SLC44A1: variants seen among roughly 807,000 people sequenced by gnomAD.
SLC44A1 encodes the protein choline transporter-like protein 1.
A neutral mutation model predicts 79.3 loss-of-function variants in SLC44A1; 26 were observed. That is an observed-to-expected ratio of 0.33 (90% CI 0.24 to 0.46). The LOEUF (loss-of-function observed/expected upper bound fraction) is 0.46, where lower values mean the gene tolerates loss of function less well. Among genes scored for constraint, SLC44A1 ranks in the 20% least tolerant of loss-of-function variants. SLC44A1 has a pLI of 1.00. For synonymous variants in SLC44A1, 263 were observed against 286.2 expected, an observed-to-expected ratio of 0.92 and a Z score of 0.82; for missense variants, 688 against 798.1, an observed-to-expected ratio of 0.86 and a Z score of 1.66.
Position 105,396,356 on chromosome 9 carries a change from T to C in SLC44A1, c.*7300T>C, listed in dbSNP as rs1828874616. 1.0e-6 allele frequency: 1 copy of C among 985,250 alleles called. No homozygotes were observed. The highest frequency in any genetic ancestry group is 4.7e-5 in the South Asian group (1 of 21,288). 61.0% of individuals were successfully genotyped at this position (985,250 alleles called of 1,614,324 possible). A position where few individuals can be genotyped will look rare whatever the true frequency, so the allele number is the denominator to read the frequency against. On this transcript the variant is annotated 3_prime_UTR_variant, in exon 16 of 16. Transcript: ENST00000374720. ...TTTAACAAAAAGGCAGGGAGAAAAG[T>C]GTGAAGGGCATCAAGCAAAATGACA... is the stretch of plus-strand genomic sequence containing the variant.
intron 15 of SLC44A1, among the ~76,000 whole-genome samples, chr9:105,420,354 G>A (rs549212020): frequency 1.7e-4 from 26 of 151,834 alleles, no homozygotes; most frequent in Admixed American, 9.2e-4. Context: ...ACAAAATGTC[G>A]GCGTTCTCTT....
intron 15 of SLC44A1, among the ~76,000 whole-genome samples, chr9:105,405,237 C>G (rs1272459840): frequency 6.6e-6 from 1 of 151,684 alleles, no homozygotes; most frequent in East Asian, 1.9e-4. Context: ...AGGAGAATCT[C>G]TTGAATCGGG....
Position 105,395,731 on chromosome 9 carries a change from G to C in SLC44A1, c.*6675G>C. On this transcript the variant is annotated 3_prime_UTR_variant, in exon 16 of 16. Coordinates refer to ENST00000374720, the MANE Select transcript of SLC44A1 (RefSeq NM_080546.5). Reference sequence around the variant, plus strand: ...GTCAGCTAGGATTATAATTTGAACTGTCGTTTCAGGAGCATGTGTTAAATC... The same window carrying C: ...GTCAGCTAGGATTATAATTTGAACTCTCGTTTCAGGAGCATGTGTTAAATC... 1.0e-6 allele frequency: 1 copy of C among 985,162 alleles called. No individual in the cohort carries two copies. 61.0% of individuals were successfully genotyped at this position (985,162 alleles called of 1,614,324 possible).
In SLC44A1 at chr9:105,390,513, C is replaced by T; in HGVS notation, c.*1457C>T. On this transcript the variant is annotated 3_prime_UTR_variant, in exon 16 of 16. Transcript: ENST00000374720. The stretch of plus-strand genomic sequence containing the variant: ...TTTGAAAGAAAGCATTGCCTCCTAC[C>T]AGAACTAGACAGTGAATTAGATCGG... 1 of 983,998 alleles carries T rather than the reference C, an allele frequency of 1.0e-6. No homozygotes were observed. Among genetic ancestry groups the T allele is most frequent in the Non-Finnish European group, 1.2e-6 (1 of 829,750 alleles). 61.0% of individuals were successfully genotyped at this position (983,998 alleles called of 1,614,324 possible). A position where few individuals can be genotyped will look rare whatever the true frequency, so the allele number is the denominator to read the frequency against.
chr9:105,388,022 G>A (rs769024823), intron 15 of SLC44A1, among the ~76,000 whole-genome samples: 2 of 152,016 alleles, frequency 1.3e-5, no homozygotes, highest in Admixed American at 6.6e-5. Context: ...TCAGTTCATT[G>A]CTTGCAGATT....
chr9:105,357,774 A>G (rs1827664759), intron 6 of SLC44A1, among the ~76,000 whole-genome samples: 1 of 152,190 alleles, frequency 6.6e-6, no homozygotes, highest in African/African-American at 2.4e-5. Context: ...AAATTCGGCC[A>G]TAGTAGGCTT....
chr9:105,315,902 C>T lies in SLC44A1; in HGVS notation c.269+6036C>T, dbSNP rs575345736. Among the ~76,000 whole-genome samples the T allele has an allele frequency of 3.9e-5, 6 of 152,134 alleles. No individual in the cohort carries two copies. The South Asian group carries it at 1.2e-3, about 31-fold the overall frequency. ...CTGTTTACTGAGTGACTATCCTTCACCTTTTTTGAAAATTATGTTTATTAT... is the reference window on the plus strand; with the variant it reads ...CTGTTTACTGAGTGACTATCCTTCATCTTTTTTGAAAATTATGTTTATTAT... On this transcript the variant is annotated intron_variant, in intron 3 of 15. Coordinates refer to ENST00000374720, the MANE Select transcript of SLC44A1 (RefSeq NM_080546.5).
intron 1 of SLC44A1, among the ~76,000 whole-genome samples, chr9:105,265,737 A>T (rs985339246): frequency 2.0e-5 from 3 of 152,254 alleles, no homozygotes; most frequent in African/African-American, 7.2e-5. Flanking sequence ...TGAGCAACGT[A>T]TAAGAAGAGT....
Position 105,430,058 on chromosome 9 carries a change from C to T in SLC44A1, c.1951-8223C>T, listed in dbSNP as rs545175089. 3.4e-4 allele frequency among the ~76,000 whole-genome samples: 52 copies of T among 152,166 alleles called. No homozygotes were observed. In the South Asian group the frequency reaches 9.1e-3, roughly 27 times the overall value. ...AGTAGCTGGGACTACAGGCATGTGC[C>T]GCCAATGCCCGGCGAATTTTTAAAT... On this transcript the variant is annotated intron_variant, in intron 15 of 15. Coordinates refer to the SLC44A1 transcript ENST00000374724.
At chr9:105,256,468 T>C (rs1323192337) in intron 1 of SLC44A1, among the ~76,000 whole-genome samples, 1 of 152,150 alleles carries the variant, frequency 6.6e-6, no homozygotes, top group Non-Finnish European at 1.5e-5. Context: ...TCAGGGCTAA[T>C]ATGAGACTCC....
At chr9:105,345,693 A>G (rs1425839653) in intron 4 of SLC44A1, among the ~76,000 whole-genome samples, 1 of 152,176 alleles carries the variant, frequency 6.6e-6, no homozygotes, top group Admixed American at 6.6e-5. Flanking sequence ...ATTGACTATT[A>G]TACAGCATTT....
At chr9:105,312,374 TA>T (rs1831203818) in intron 3 of SLC44A1, among the ~76,000 whole-genome samples, 1 of 152,252 alleles carries the variant, frequency 6.6e-6, no homozygotes, top group African/African-American at 2.4e-5. Flanking sequence ...ATTATATACT[TA>T]TTTTTTGATT....
At chr9:105,400,569 CTTCT>C (rs772357543), downstream of SLC44A1, among the ~76,000 whole-genome samples, 14 of 152,100 alleles carry the variant, frequency 9.2e-5, no homozygotes, top group African/African-American at 2.2e-4. Context: ...TAGGTATATT[CTTCT>C]TTCTGACTCC....
chr9:105,304,635 G>C (rs1019339729), intron 2 of SLC44A1, among the ~76,000 whole-genome samples: 1 of 152,106 alleles, frequency 6.6e-6, no homozygotes, highest in African/African-American at 2.4e-5. Flanking sequence ...GTTTTGAAGA[G>C]GAAGGGCTTT....
intron 4 of SLC44A1, among the ~76,000 whole-genome samples, chr9:105,344,386 G>A (rs892659640): frequency 1.3e-5 from 2 of 152,076 alleles, no homozygotes; most frequent in Non-Finnish European, 2.9e-5. Flanking sequence ...AGACATTTTT[G>A]GCTGTCACAC....
At chr9:105,374,868 G>A (rs1828228163) in intron 13 of SLC44A1, 133 bp downstream of exon 13, 3 of 650,174 alleles carry the variant, frequency 4.6e-6, no homozygotes, top group Non-Finnish European at 8.0e-6. Flanking sequence ...AGCCCTTACT[G>A]TGTGTCCAGC....
intron 1 of SLC44A1, among the ~76,000 whole-genome samples, chr9:105,276,318 T>C (rs1050495619): frequency 1.3e-5 from 2 of 152,098 alleles, no homozygotes; most frequent in African/African-American, 4.8e-5. Context: ...GACTGAAGAG[T>C]CACAATCTCA....
At position 105,389,844 on chromosome 9, in the gene SLC44A1, G is replaced by T; in HGVS notation, c.*788G>T. 1 of 1,442,592 alleles carries T rather than the reference G, an allele frequency of 6.9e-7. No homozygotes were observed. Among genetic ancestry groups the T allele is most frequent in the Non-Finnish European group, 9.1e-7 (1 of 1,098,070 alleles). The allele number at this position is 1,442,592 out of a possible 1,614,324, so 89.4% of individuals were successfully genotyped here. ...CTCCACACATTTGTGTGCCTGATTT[G>T]AAAGGAAGCTGGGGCACCCAGCGAG... On this transcript the variant is annotated 3_prime_UTR_variant, in exon 16 of 16. Transcript: ENST00000374720.
At position 105,392,222 on chromosome 9, in the gene SLC44A1, A is replaced by C; in HGVS notation, c.*3166A>C. 1.0e-6 allele frequency: 1 copy of C among 984,264 alleles called. No individual in the cohort carries two copies. Among genetic ancestry groups the C allele is most frequent in the Non-Finnish European group, 1.2e-6 (1 of 828,874 alleles). The allele number at this position is 984,264 out of a possible 1,614,324, so 61.0% of individuals were successfully genotyped here. On this transcript the variant is annotated 3_prime_UTR_variant, in exon 16 of 16. Transcript: ENST00000374720. ...AATGCAATGGCTAATGTTTAGGATT[A>C]AAGTTTTTATTTTATCCTATAAGAT...
Sources: gnomAD v4.1 joint callset for allele counts (sites outside exome capture counted in the v4.1 genomes callset) on GRCh38, gnomAD v4.1.1 for gene constraint, MANE v1.5 for transcripts, NCBI Gene and HGNC (gene_info 2026-07-23, HGNC 2026-07-21) for gene names.